The following MYNN variants were observed in gnomAD, a reference collection of about 807,000 sequenced individuals.
MYNN encodes the protein zinc finger and BTB domain-containing protein 31.
MYNN carries 22 observed loss-of-function variants against 57.2 expected under a neutral mutation model. The ratio of observed to expected loss-of-function variants is 0.38; its 90% CI spans 0.27 to 0.55. MYNN has a LOEUF of 0.55. Ranked by LOEUF, MYNN falls within the 20% of genes least tolerant of loss-of-function variation. MYNN has a pLI of 0.71. For missense variants in MYNN, 566 were observed against 723.1 expected, an observed-to-expected ratio of 0.78 and a Z score of 2.49; for synonymous variants, 241 against 257.1, an observed-to-expected ratio of 0.94 and a Z score of 0.60.
chr3:169,775,762 TATTA>T (rs1159896699), intron 2 of MYNN, among the ~76,000 whole-genome samples: 9 of 152,224 alleles, frequency 5.9e-5, no homozygotes, highest in African/African-American at 9.6e-5. Context: ...TTTTGATATA[TATTA>T]ATTAATTCTT....
chr3:169,774,163 A>G, intron 1 of MYNN, 102 bp from the exon 2 acceptor site: 1 of 843,722 alleles, frequency 1.2e-6, no homozygotes, highest in Non-Finnish European at 1.9e-6. Flanking sequence ...AAGGATTTTC[A>G]AGGGGGCTAA....
chr3:169,776,870 A>G (rs750063856), intron 2 of MYNN, among the ~76,000 whole-genome samples: 2 of 151,802 alleles, frequency 1.3e-5, no homozygotes, highest in Non-Finnish European at 2.9e-5. Flanking sequence ...TGCCCAGCTA[A>G]TTTTTGTATT....
At position 169,783,548 on chromosome 3, in the gene MYNN, C is replaced by T. The variant is rs369446786; in HGVS notation, c.1471C>T (p.Arg491Trp). 2 of 1,608,124 alleles carry T rather than the reference C, an allele frequency of 1.2e-6. No individual in the cohort carries two copies. Among genetic ancestry groups the T allele is most frequent in the Non-Finnish European group, 1.7e-6 (2 of 1,175,330 alleles). ...ISSGELNKHF[R>W]SHTGERPFIC... Reference sequence around the variant, plus strand: ...CTCAGGAGAGCTCAACAAACACTTTCGGTCCCATACAGGTCTGTGTTTAGG... The same window carrying T: ...CTCAGGAGAGCTCAACAAACACTTTTGGTCCCATACAGGTCTGTGTTTAGG... The change falls in exon 6 of 8, where the codon CGG (arginine) becomes TGG (tryptophan). Residue 491 changes from arginine to tryptophan, a missense_variant. By Grantham distance (101) the Arg-to-Trp change is moderately radical (BLOSUM62 -3). Coordinates refer to ENST00000349841, the MANE Select transcript of MYNN (RefSeq NM_018657.5).
chr3:169,779,016 T>C lies in MYNN; in HGVS notation c.515T>C (p.Leu172Ser), dbSNP rs1445309502. Residue 172 changes from leucine to serine, a missense_variant, in exon 3 of 8, where the codon TTA becomes TCA. Leu to Ser is a moderately radical substitution (Grantham distance 145, BLOSUM62 -2). Transcript: ENST00000349841. ...LIQANPKQGA[L>S]AKKSSQTKKK... ...CAGGCAAATCCTAAACAAGGCGCGT[T>C]AGCGAAAAAGTCATCTCAAACGAAA... 5.0e-6 allele frequency: 8 copies of C among 1,613,838 alleles called. No homozygotes were observed. The highest frequency in any genetic ancestry group is 1.7e-6 in the Non-Finnish European group (2 of 1,180,040).
Position 169,778,959 on chromosome 3 carries a change from G to T in MYNN, c.458G>T (p.Arg153Leu). 6.2e-7 allele frequency: 1 copy of T among 1,613,694 alleles called. No individual in the cohort carries two copies. Among genetic ancestry groups the T allele is most frequent in the South Asian group, 1.1e-5 (1 of 91,072 alleles). The change falls in exon 3 of 8, where the codon CGA (arginine) becomes CTA (leucine). Residue 153 changes from arginine to leucine, a missense_variant. Transcript: ENST00000349841. ...CLLTLRDYNNREKSEVSTDLI... is the reference protein window; with the variant it reads ...CLLTLRDYNNLEKSEVSTDLI... Reference sequence around the variant, plus strand: ...CTTACTCTGCGAGATTATAATAATCGAGAGAAATCAGAAGTATCTACAGAT... The same window carrying T: ...CTTACTCTGCGAGATTATAATAATCTAGAGAAATCAGAAGTATCTACAGAT...
In MYNN at chr3:169,785,355, C is replaced by T. The variant is rs1778647109; in HGVS notation, c.1570+647C>T. 7.2e-5 allele frequency among the ~76,000 whole-genome samples: 11 copies of T among 152,056 alleles called. No homozygotes were observed. The South Asian group carries it at 2.3e-3, about 32-fold the overall frequency. On this transcript the variant is annotated intron_variant, in intron 7 of 7. Coordinates refer to ENST00000349841, the MANE Select transcript of MYNN (RefSeq NM_018657.5). Reference sequence around the variant, plus strand: ...CTGCAGTAAGTCATTAATTTAACCACTTGTTAAATTTCTGTAAAGTGTACT... The same window carrying T: ...CTGCAGTAAGTCATTAATTTAACCATTTGTTAAATTTCTGTAAAGTGTACT...
chr3:169,786,430 C>A lies in MYNN; in HGVS notation c.1585C>A (p.Leu529Ile), dbSNP rs1419262347. ...TTCCATTCTAGGTGCAGATAAAACTCTAGACTCCAGTGCAGAGGATCATAC... is the reference window on the plus strand; with the variant it reads ...TTCCATTCTAGGTGCAGATAAAACTATAGACTCCAGTGCAGAGGATCATAC... The part of the protein sequence containing the change: ...TKVHSGADKT[L>I]DSSAEDHTLS... Residue 529 changes from leucine (L) to isoleucine (I), a missense_variant, in exon 8 of 8, where the codon CTA becomes ATA. By Grantham distance (5) the Leu-to-Ile change is conservative. Around this residue, in one of 4 missense-constraint regions of MYNN, gnomAD observed 156 missense variants for 163.9 expected, o/e 0.95. Coordinates refer to ENST00000349841, the MANE Select transcript of MYNN (RefSeq NM_018657.5). The A allele has an allele frequency of 6.2e-7, 1 of 1,611,750 alleles. No individual in the cohort carries two copies. The highest frequency in any genetic ancestry group is 8.5e-7 in the Non-Finnish European group (1 of 1,178,400).
intron 3 of MYNN, chr3:169,779,769 C>T (rs1778455557): frequency 1.9e-6 from 1 of 537,502 alleles, no homozygotes. Context: ...TGCATCAACT[C>T]CTTATACCAT....
In MYNN at chr3:169,787,878, T is replaced by C. The variant is rs1778717262; in HGVS notation, c.*1200T>C. The C allele has an allele frequency of 6.6e-6, 1 of 152,138 alleles. No homozygotes were observed. The highest frequency in any genetic ancestry group is 1.5e-5 in the Non-Finnish European group (1 of 67,980). 9.4% of individuals were successfully genotyped at this position (152,138 alleles called of 1,614,324 possible). A position where few individuals can be genotyped will look rare whatever the true frequency, so the allele number is the denominator to read the frequency against. ...CACTTTTCCCACATATTAATTTATT[T>C]CACTGCCTGATCTTTGGATATGAAA... On this transcript the variant is annotated 3_prime_UTR_variant, in exon 8 of 8. Coordinates refer to ENST00000349841, the MANE Select transcript of MYNN (RefSeq NM_018657.5).
chr3:169,785,153 T>C (rs1198143942), intron 7 of MYNN, among the ~76,000 whole-genome samples: 3 of 151,636 alleles, frequency 2.0e-5, no homozygotes, highest in South Asian at 2.1e-4. Context: ...TACATTGTTA[T>C]AATATATAAA....
At position 169,779,399 on chromosome 3, in the gene MYNN, G is replaced by A. The variant is rs199962374; in HGVS notation, c.898G>A (p.Ala300Thr). 1.9e-6 allele frequency: 3 copies of A among 1,614,178 alleles called. No homozygotes were observed. In the South Asian group the frequency reaches 3.3e-5, roughly 18 times the overall value. Residue 300 changes from alanine (A) to threonine (T), a missense_variant, in exon 3 of 8, where the codon GCC (alanine) becomes ACC (threonine). Around this residue, in one of 4 missense-constraint regions of MYNN, gnomAD observed 123 missense variants for 222.6 expected, o/e 0.55. Transcript: ENST00000349841. ...AGAGCTGGATCAGAGGTATTCCAAG[G>A]CCAAGCCAATGTGTAACACATGTGG... ...GEELDQRYSK[A>T]KPMCNTCGKV...
chr3:169,786,584 C>T lies in MYNN; in HGVS notation c.1739C>T (p.Thr580Met), dbSNP rs758293221. The T allele has an allele frequency of 1.4e-5, 23 of 1,613,604 alleles. No individual in the cohort carries two copies. In the Admixed American group the frequency reaches 1.8e-4, roughly 13 times the overall value. ...TEDHHMLLPV[T>M]DTQSPTSDTL... is the part of the protein sequence containing the mutation. Reference sequence around the variant, plus strand: ...GACCATCACATGCTTCTGCCTGTCACGGATACTCAGTCTCCTACATCAGAT... The same window carrying T: ...GACCATCACATGCTTCTGCCTGTCATGGATACTCAGTCTCCTACATCAGAT... Residue 580 changes from threonine to methionine, a missense_variant, in exon 8 of 8, where the codon ACG (threonine) becomes ATG (methionine). Thr to Met is a moderately conservative substitution (Grantham distance 81). This residue lies in a region of MYNN where 156 missense variants were observed against 163.9 expected (regional missense o/e 0.95). Transcript: ENST00000349841.
Position 169,786,501 on chromosome 3 carries a change from T to C in MYNN, c.1656T>C (p.Thr552=). Residue 552 remains threonine, a synonymous_variant, in exon 8 of 8, where the codon ACT becomes ACC. Coordinates refer to ENST00000349841, the MANE Select transcript of MYNN (RefSeq NM_018657.5). ...TACAAAAAAGTCCTTTATCAGAAAC[T>C]ATGGATGTGAAGCCTTCTGATATGA... ...DSIQKSPLSE[T]MDVKPSDMTL... 2 of 1,613,686 alleles carry C rather than the reference T, an allele frequency of 1.2e-6. No homozygotes were observed. Among genetic ancestry groups the C allele is most frequent in the Non-Finnish European group, 1.7e-6 (2 of 1,179,624 alleles).
rs890454047 is a variant in MYNN at position 169,788,109 on chromosome 3, T to C, written c.*1431T>C. 4 of 152,160 alleles carry C rather than the reference T, an allele frequency of 2.6e-5. No individual in the cohort carries two copies. Among genetic ancestry groups the C allele is most frequent in the Non-Finnish European group, 4.4e-5 (3 of 67,988 alleles). 9.4% of individuals were successfully genotyped at this position (152,160 alleles called of 1,614,324 possible). A position where few individuals can be genotyped will look rare whatever the true frequency, so the allele number is the denominator to read the frequency against. ...TGTTTTTTATTGGTATTGATTTCTT[T>C]AATTCATTAATTTTCTCTATTTGGG... On this transcript the variant is annotated 3_prime_UTR_variant, in exon 8 of 8. Coordinates refer to ENST00000349841, the MANE Select transcript of MYNN (RefSeq NM_018657.5).
intron 2 of MYNN, among the ~76,000 whole-genome samples, chr3:169,776,088 T>C (rs1330148735): frequency 1.3e-5 from 2 of 152,194 alleles, no homozygotes; most frequent in African/African-American, 2.4e-5. Flanking sequence ...AATTTAATGG[T>C]TTCCCTTTCT....
rs764290155 is a variant in MYNN at position 169,779,461 on chromosome 3, C to T, written c.960C>T (p.His320=). ...VFSEASSLRR[H]MRIHKGVKPY... is the part of the protein sequence containing the mutation. ...CAGAAGCCAGCAGTTTGAGAAGGCA[C>T]ATGAGAATACATAAAGGAGTCAAAC... The change falls in exon 3 of 8, where the codon CAC becomes CAT. Residue 320 remains histidine (H), a synonymous_variant. Transcript: ENST00000349841. 6.2e-7 allele frequency: 1 copy of T among 1,614,118 alleles called. No individual in the cohort carries two copies. The highest frequency in any genetic ancestry group is 1.3e-5 in the African/African-American group (1 of 75,018).
chr3:169,785,074 G>A (rs1015874319), intron 7 of MYNN, among the ~76,000 whole-genome samples: 1 of 147,350 alleles, frequency 6.8e-6, no homozygotes, highest in African/African-American at 2.5e-5. Flanking sequence ...AAAAAAAGGG[G>A]GGGGGGGTGG....
Position 169,779,339 on chromosome 3 carries a change from G to T in MYNN, c.838G>T (p.Val280Phe), listed in dbSNP as rs758209090. ...ACACTCTATGTCTAATATAGCCAGC[G>T]TCAAGAGTCCTTATGAGGCGGAGAA... ...KEHSMSNIAS[V>F]KSPYEAENSG... Residue 280 changes from valine (V) to phenylalanine (F), a missense_variant, in exon 3 of 8, where the codon GTC (valine) becomes TTC (phenylalanine). Physicochemically the swap from Val to Phe is conservative, Grantham distance 50. Around this residue, in one of 4 missense-constraint regions of MYNN, gnomAD observed 261 missense variants for 280.8 expected, o/e 0.93. Transcript: ENST00000349841. The T allele has an allele frequency of 7.4e-6, 12 of 1,614,172 alleles. No individual in the cohort carries two copies. Among genetic ancestry groups the T allele is most frequent in the Non-Finnish European group, 1.0e-5 (12 of 1,180,042 alleles).
Position 169,782,342 on chromosome 3 carries a change from T to G in MYNN, c.1221-123T>G. 1.5e-6 allele frequency: 1 copy of G among 686,608 alleles called. No individual in the cohort carries two copies. The highest frequency in any genetic ancestry group is 2.3e-6 in the Non-Finnish European group (1 of 440,328). The allele number at this position is 686,608 out of a possible 1,614,324, so 42.5% of individuals were successfully genotyped here. The stretch of plus-strand genomic sequence containing the variant: ...GTTTACACTGAAACAACTACTGATT[T>G]TAAATACATAGTCTTGGCCTGTTAA... On this transcript the variant is annotated intron_variant, in intron 4 of 7. Coordinates refer to ENST00000349841, the MANE Select transcript of MYNN (RefSeq NM_018657.5). This position sits in a 1 kb window ranked among gnomAD's most constrained non-coding sequence, Gnocchi z 4.8.
Sources: allele counts gnomAD v4.1 joint callset (sites outside exome capture counted in the v4.1 genomes callset), GRCh38; gene constraint gnomAD v4.1.1; regional missense constraint gnomAD v4.1.1; non-coding constraint Gnocchi (gnomAD v3.1); transcripts MANE v1.5; gene names NCBI Gene and HGNC (gene_info 2026-07-23, HGNC 2026-07-21).